The following JAKMIP3 variants were observed in gnomAD, a reference collection of about 807,000 sequenced individuals.
JAKMIP3 encodes Janus kinase and microtubule interacting protein 3.
Under a neutral mutation model 118.5 loss-of-function variants are expected in JAKMIP3, and 58 were observed. That is an observed-to-expected ratio of 0.49 (90% CI 0.40 to 0.61). The LOEUF is 0.61. JAKMIP3 is among the 20% of genes least tolerant of loss of function. The pLI, the probability that JAKMIP3 is intolerant of heterozygous loss-of-function variation, is 0.00. For synonymous variants in JAKMIP3, 486 were observed against 451.2 expected (o/e 1.08, Z -0.98); for missense variants, 950 against 1,109.0 (o/e 0.86, Z 2.04).
intron 1 of JAKMIP3, among the ~76,000 whole-genome samples, chr10:132,055,726 A>G (rs1048046368): frequency 6.6e-6 from 1 of 152,114 alleles, no homozygotes; most frequent in Non-Finnish European, 1.5e-5. Context: ...ACAGGAGACT[A>G]ATGAGCTGCC....
intron 19 of JAKMIP3, among the ~76,000 whole-genome samples, chr10:132,161,718 C>T (rs1306299405): frequency 1.3e-4 from 4 of 30,650 alleles, no homozygotes; most frequent in Admixed American, 5.0e-4. Flanking sequence ...GGGTATCTCT[C>T]CCTGTGTGAT....
At chr10:132,180,752 CGTGTGT>C (rs1301580781) in intron 23 of JAKMIP3, among the ~76,000 whole-genome samples, 314 of 13,670 alleles carry the variant, frequency 0.023, 121 homozygotes, top group Non-Finnish European at 0.027. Context: ...CGTGCGCGCG[CGTGTGT>C]GCGTGTGTGT....
At chr10:132,037,011 G>A (rs959552634) in intron 1 of JAKMIP3, among the ~76,000 whole-genome samples, 6 of 152,052 alleles carry the variant, frequency 3.9e-5, no homozygotes, top group Admixed American at 3.9e-4. Context: ...GGTGGGGCCC[G>A]CGCAGGTGCT....
chr10:132,109,469 C>T (rs2135116080), intron 2 of JAKMIP3, among the ~76,000 whole-genome samples: 1 of 152,312 alleles, frequency 6.6e-6, no homozygotes, highest in Non-Finnish European at 1.5e-5. Context: ...GCTGCCTGCC[C>T]TTGTTCCTGC....
At chr10:132,180,630 TGTGCGTGCGTGTGTGC>T (rs2060913439) in intron 23 of JAKMIP3, among the ~76,000 whole-genome samples, 1 of 37,104 alleles carries the variant, frequency 2.7e-5, no homozygotes, top group Non-Finnish European at 4.6e-5. Flanking sequence ...TGTGTGCGTG[TGTGCGTGCGTGTGTGC>T]GTGTGCGTGT....
Position 132,104,822 on chromosome 10 carries a change from G to A in JAKMIP3, c.14G>A (p.Gly5Asp). The A allele has an allele frequency of 3.2e-6, 5 of 1,552,220 alleles. No individual in the cohort carries two copies. Among genetic ancestry groups the A allele is most frequent in the Non-Finnish European group, 3.5e-6 (4 of 1,147,710 alleles). Residue 5 changes from glycine (G) to aspartate (D), a missense_variant, in exon 2 of 24, where the codon GGC becomes GAC. Coordinates refer to ENST00000684848, the MANE Select transcript of JAKMIP3 (RefSeq NM_001323087.2). ...TCCAGCCTCACCATGTCCAAGAGGG[G>A]CATGAGCAGCCGGGCCAAGGGGGAC... MSKR[G>D]MSSRAKGDKA...
chr10:132,125,053 T>C (rs958040465), intron 3 of JAKMIP3, among the ~76,000 whole-genome samples: 1 of 152,266 alleles, frequency 6.6e-6, no homozygotes, highest in African/African-American at 2.4e-5. Flanking sequence ...TTCCTCATGC[T>C]GGCTTTAGAT....
rs1011019261 is a variant in JAKMIP3 at position 132,142,834 on chromosome 10, G to A, written c.1602+786G>A. Among the ~76,000 whole-genome samples the A allele has an allele frequency of 6.6e-5, 10 of 151,998 alleles. No individual in the cohort carries two copies. The South Asian group carries it at 8.3e-4, about 13-fold the overall frequency. On this transcript the variant is annotated intron_variant, in intron 11 of 23. Transcript: ENST00000684848. ...GGCAGCTGTGGGGTGTGGGGTTCCC[G>A]TTGGCCTCCCCACCCCAAAACCACC... is the stretch of plus-strand genomic sequence containing the variant.
intron 19 of JAKMIP3, 94 bp downstream of exon 19, chr10:132,154,084 G>T: frequency 8.9e-7 from 1 of 1,128,526 alleles, no homozygotes; most frequent in Non-Finnish European, 1.3e-6. Flanking sequence ...AGGTGCCCAT[G>T]TGGGCCAGGT....
At position 132,153,072 on chromosome 10, in the gene JAKMIP3, C is replaced by T. The variant is rs948067932; in HGVS notation, c.2073+49C>T. ...CGGGAGAGGGCCGGGCTCCTGGGGT[C>T]TCCTGCCCTGCTCAGCTCAGAGGTG... On this transcript the variant is annotated intron_variant, in intron 17 of 23. Transcript: ENST00000684848. The T allele has an allele frequency of 4.1e-6, 6 of 1,448,236 alleles. No individual in the cohort carries two copies. In the African/African-American group the frequency reaches 5.6e-5, roughly 13 times the overall value. 89.7% of individuals were successfully genotyped at this position (1,448,236 alleles called of 1,614,324 possible). A position where few individuals can be genotyped will look rare whatever the true frequency, so the allele number is the denominator to read the frequency against.
chr10:132,129,822 T>C (rs1211345475), intron 3 of JAKMIP3, among the ~76,000 whole-genome samples: 1 of 151,818 alleles, frequency 6.6e-6, no homozygotes, highest in Non-Finnish European at 1.5e-5. Context: ...AGGGTAAGTC[T>C]AATGCCAACT....
chr10:132,089,101 G>T (rs1431034974), intron 1 of JAKMIP3, among the ~76,000 whole-genome samples: 8 of 152,220 alleles, frequency 5.3e-5, no homozygotes, highest in African/African-American at 7.2e-5. Context: ...TGCTGTTTTG[G>T]TTACTCTAGC....
intron 1 of JAKMIP3, among the ~76,000 whole-genome samples, chr10:132,042,734 A>G (rs2037799632): frequency 6.6e-6 from 1 of 152,234 alleles, no homozygotes; most frequent in East Asian, 1.9e-4. Context: ...GCTCTCTGCC[A>G]TTGTAACTCA....
chr10:132,124,005 C>A (rs900549422), intron 3 of JAKMIP3, among the ~76,000 whole-genome samples: 1 of 152,218 alleles, frequency 6.6e-6, no homozygotes, highest in Non-Finnish European at 1.5e-5. Context: ...TGCCCACAGC[C>A]GAACTAACCC....
At chr10:132,166,195 A>G (rs1266902054) in intron 21 of JAKMIP3, among the ~76,000 whole-genome samples, 1 of 152,100 alleles carries the variant, frequency 6.6e-6, no homozygotes, top group Non-Finnish European at 1.5e-5. Context: ...ACATGGTGGC[A>G]CGTGCCTATA....
chr10:132,142,699 C>T (rs966433079), intron 11 of JAKMIP3, among the ~76,000 whole-genome samples: 2 of 152,234 alleles, frequency 1.3e-5, no homozygotes, highest in Non-Finnish European at 2.9e-5. Flanking sequence ...CTTGCCGCCC[C>T]ACCCTCCCTT....
chr10:132,088,122 G>T (rs2042632529), intron 1 of JAKMIP3, among the ~76,000 whole-genome samples: 1 of 152,022 alleles, frequency 6.6e-6, no homozygotes, highest in Admixed American at 6.6e-5. Context: ...GGACATTTGG[G>T]TTGGTTCCAA....
At position 132,179,426 on chromosome 10, in the gene JAKMIP3, C is replaced by G. The variant is rs1347991412; in HGVS notation, c.*1104-2931C>G. On this transcript the variant is annotated intron_variant, in intron 23 of 23. Coordinates refer to ENST00000684848, the MANE Select transcript of JAKMIP3 (RefSeq NM_001323087.2). The surrounding 1 kb of genome is among the most constrained non-coding windows in gnomAD (Gnocchi z 4.3). ...CACCTGAGCAGCACTTTCCTGCCCC[C>G]TCCCTGAGAACTGGGAGCTCTTGGG... Among the ~76,000 whole-genome samples, 1 of 152,194 alleles carries G rather than the reference C, an allele frequency of 6.6e-6. No homozygotes were observed. The highest frequency in any genetic ancestry group is 6.5e-5 in the Admixed American group (1 of 15,284).
At chr10:132,178,589 A>C (rs568681638) in intron 23 of JAKMIP3, among the ~76,000 whole-genome samples, 12 of 152,238 alleles carry the variant, frequency 7.9e-5, no homozygotes, top group African/African-American at 2.9e-4. Flanking sequence ...GAATCTGTGT[A>C]TTTGTGGGGC....
Sources: allele counts gnomAD v4.1 joint callset (sites outside exome capture counted in the v4.1 genomes callset), GRCh38; gene constraint gnomAD v4.1.1; non-coding constraint Gnocchi (gnomAD v3.1); transcripts MANE v1.5; gene names NCBI Gene and HGNC (gene_info 2026-07-23, HGNC 2026-07-21).